SLC4A8: variants seen among roughly 807,000 people sequenced by gnomAD.
SLC4A8 encodes the protein electroneutral sodium bicarbonate exchanger 1.
Under a neutral mutation model 125.0 loss-of-function variants are expected in SLC4A8, and 40 were observed. The ratio of observed to expected loss-of-function variants is 0.32; its 90% CI spans 0.25 to 0.42. The LOEUF (loss-of-function observed/expected upper bound fraction) is 0.42. SLC4A8 is among the 10% of genes least tolerant of loss of function. The probability of loss-of-function intolerance (pLI) is 1.00; values close to 1 mark genes in which losing one functional copy is unlikely to be tolerated. For missense variants in SLC4A8, 863 were observed against 1,355.1 expected (o/e 0.64, Z 5.70); for synonymous variants, 456 against 476.0 (o/e 0.96, Z 0.55).
At chr12:51,480,657 C>G in intron 16 of SLC4A8, 1 of 983,998 alleles carries the variant, frequency 1.0e-6, no homozygotes, top group Non-Finnish European at 1.2e-6. Context: ...GCCCGTGTAA[C>G]TAATCAGAAA....
At chr12:51,495,221 G>A in intron 21 of SLC4A8, 103 bp downstream of exon 21, 9 of 945,230 alleles carry the variant, frequency 9.5e-6, no homozygotes, top group Non-Finnish European at 1.2e-5. Flanking sequence ...ACAGTTGAGT[G>A]GCATTAAGTA....
In SLC4A8 at chr12:51,424,885, G is replaced by C; in HGVS notation, c.-103G>C. ...GTTGATGGTTGACCGTTGGCTCCGGGGTGGGGGTCGCCGTTCGAGTGATCT... is the reference window on the plus strand; with the variant it reads ...GTTGATGGTTGACCGTTGGCTCCGGCGTGGGGGTCGCCGTTCGAGTGATCT... On this transcript the variant is annotated 5_prime_UTR_variant, in exon 1 of 25. Coordinates refer to ENST00000453097, the MANE Select transcript of SLC4A8 (RefSeq NM_001039960.3). 7.9e-7 allele frequency: 1 copy of C among 1,263,962 alleles called. No individual in the cohort carries two copies. Among genetic ancestry groups the C allele is most frequent in the South Asian group, 1.3e-5 (1 of 75,774 alleles). The allele number at this position is 1,263,962 out of a possible 1,614,324, so 78.3% of individuals were successfully genotyped here.
chr12:51,454,158 A>G (rs1373283351), intron 5 of SLC4A8, among the ~76,000 whole-genome samples: 3 of 152,134 alleles, frequency 2.0e-5, no homozygotes, highest in African/African-American at 7.2e-5. Context: ...TTAGCCAGGC[A>G]TGGTGGCTCA....
intron 1 of SLC4A8, among the ~76,000 whole-genome samples, chr12:51,399,316 G>A (rs1948325804): frequency 6.6e-6 from 1 of 152,172 alleles, no homozygotes; most frequent in Non-Finnish European, 1.5e-5. Flanking sequence ...GTATAGTGAA[G>A]AGGGAGTCTC....
At position 51,459,982 on chromosome 12, in the gene SLC4A8, C is replaced by G. The variant is rs1450307041; in HGVS notation, c.887C>G (p.Thr296Ser). 2.5e-6 allele frequency: 4 copies of G among 1,613,712 alleles called. No individual in the cohort carries two copies. The highest frequency in any genetic ancestry group is 3.4e-6 in the Non-Finnish European group (4 of 1,179,718). Reference protein sequence around the residue: ...VDLHFMKKIPTGAEASNVLVG... With the variant: ...VDLHFMKKIPSGAEASNVLVG... ...CTTCATTTCATGAAAAAAATTCCTA[C>G]TGGGGCCGAGGCCTCCAATGTCCTG... The change falls in exon 8 of 25, where the codon ACT becomes AGT. Residue 296 changes from threonine (T) to serine (S), a missense_variant. This residue lies in a region of SLC4A8 where 390 missense variants were observed against 634.4 expected (regional missense o/e 0.61). Transcript: ENST00000453097.
intron 2 of SLC4A8, 137 bp from the exon 3 acceptor site, chr12:51,450,739 G>A (rs1378753689): frequency 1.1e-6 from 1 of 903,802 alleles, no homozygotes; most frequent in Admixed American, 2.5e-5. Flanking sequence ...GGAAGTCTTT[G>A]AAGTTTTGTT....
intron 1 of SLC4A8, among the ~76,000 whole-genome samples, chr12:51,400,765 T>A (rs1948364315): frequency 1.3e-4 from 1 of 7,914 alleles, no homozygotes; most frequent in Non-Finnish European, 3.3e-4. Context: ...TATATATATA[T>A]ATATATATAT....
At position 51,451,666 on chromosome 12, in the gene SLC4A8, G is replaced by T. The variant is rs185797902; in HGVS notation, c.278-458G>T. Among the ~76,000 whole-genome samples, 346 of 151,964 alleles carry T rather than the reference G, an allele frequency of 2.3e-3. 2 individuals carry two copies. Among genetic ancestry groups the T allele is most frequent in the African/African-American group, 8.0e-3 (331 of 41,496 alleles). On this transcript the variant is annotated intron_variant, in intron 3 of 24. Transcript: ENST00000453097. ...GGTGTAAGAAAATTATGGAATAAGTGTGTGTGTGTGAGTATGAGTTTGTAC... is the reference window on the plus strand; with the variant it reads ...GGTGTAAGAAAATTATGGAATAAGTTTGTGTGTGTGAGTATGAGTTTGTAC...
chr12:51,504,572 C>G (rs1565826820), intron 23 of SLC4A8, among the ~76,000 whole-genome samples: 1 of 152,206 alleles, frequency 6.6e-6, no homozygotes, highest in Non-Finnish European at 1.5e-5. Flanking sequence ...ACCAGTGCTC[C>G]TTCTGCCTTT....
chr12:51,479,928 C>T, intron 16 of SLC4A8: 1 of 396,334 alleles, frequency 2.5e-6, no homozygotes, highest in South Asian at 1.9e-5. Flanking sequence ...TCTCACGAAA[C>T]AGAGGGCTGT....
intron 11 of SLC4A8, among the ~76,000 whole-genome samples, chr12:51,466,957 GTGTGTGTGTGTATGTGTGTA>G (rs1213154497): frequency 1.3e-5 from 2 of 151,994 alleles, no homozygotes; most frequent in Non-Finnish European, 1.5e-5. Flanking sequence ...GTGTGTGTGT[GTGTGTGTGTGTATGTGTGTA>G]TGTGTGTGTA....
Position 51,509,898 on chromosome 12 carries a change from AG to A in SLC4A8, c.*2462del, listed in dbSNP as rs888122177. ...GGGAAGATTGTGAGTGAAGATGGGA[AG>A]GAATTTGGGTGGTTTTGCCACGAGG... On this transcript the variant is annotated 3_prime_UTR_variant, in exon 25 of 25. Coordinates refer to ENST00000453097, the MANE Select transcript of SLC4A8 (RefSeq NM_001039960.3). 1 of 152,384 alleles carries A rather than the reference AG, an allele frequency of 6.6e-6. No individual in the cohort carries two copies. The highest frequency in any genetic ancestry group is 2.4e-5 in the African/African-American group (1 of 41,404). 9.4% of individuals were successfully genotyped at this position (152,384 alleles called of 1,614,324 possible).
At chr12:51,414,040 T>C (rs1948640858) in intron 1 of SLC4A8, among the ~76,000 whole-genome samples, 1 of 152,310 alleles carries the variant, frequency 6.6e-6, no homozygotes, top group Non-Finnish European at 1.5e-5. Flanking sequence ...ATATTAATTC[T>C]TCCCATCCAT....
chr12:51,410,096 G>T (rs1212624788), intron 1 of SLC4A8, among the ~76,000 whole-genome samples: 1 of 152,148 alleles, frequency 6.6e-6, no homozygotes, highest in African/African-American at 2.4e-5. Flanking sequence ...CTCTATGCCT[G>T]GTTTATTTCA....
chr12:51,451,607 A>C (rs987797459), intron 3 of SLC4A8, among the ~76,000 whole-genome samples: 2 of 152,112 alleles, frequency 1.3e-5, no homozygotes, highest in African/African-American at 4.8e-5. Flanking sequence ...ATTCACATAG[A>C]GTTAAATATA....
At chr12:51,506,516 T>TCC (rs940538925) in intron 24 of SLC4A8, among the ~76,000 whole-genome samples, 2 of 152,116 alleles carry the variant, frequency 1.3e-5, no homozygotes, top group African/African-American at 4.8e-5. Context: ...CTCACTGTAA[T>TCC]CTCTGCCATC....
Position 51,512,333 on chromosome 12 carries a change from A to G in SLC4A8, c.*4895A>G, listed in dbSNP as rs1057125163. 1 of 152,160 alleles carries G rather than the reference A, an allele frequency of 6.6e-6. No individual in the cohort carries two copies. The highest frequency in any genetic ancestry group is 1.5e-5 in the Non-Finnish European group (1 of 68,042). The allele number at this position is 152,160 out of a possible 1,614,324, so 9.4% of individuals were successfully genotyped here. A position where few individuals can be genotyped will look rare whatever the true frequency, so the allele number is the denominator to read the frequency against. ...GGATATGGAGACTGATGTGTGCTCC[A>G]TATCTTGAGGGGAGCTCTCTTGGTT... On this transcript the variant is annotated 3_prime_UTR_variant, in exon 25 of 25. Transcript: ENST00000453097.
intron 10 of SLC4A8, among the ~76,000 whole-genome samples, chr12:51,463,327 C>T (rs940489781): frequency 6.6e-6 from 1 of 151,836 alleles, no homozygotes; most frequent in Non-Finnish European, 1.5e-5. Context: ...TAGGTCATAT[C>T]TAATGCCAAA....
At chr12:51,488,223 G>C (rs1027737855) in intron 17 of SLC4A8, among the ~76,000 whole-genome samples, 2 of 152,194 alleles carry the variant, frequency 1.3e-5, no homozygotes, top group Non-Finnish European at 2.9e-5. Context: ...GAGAAGAAAA[G>C]TTTTTTATTT....
Sources: allele counts gnomAD v4.1 joint callset (sites outside exome capture counted in the v4.1 genomes callset), GRCh38; gene constraint gnomAD v4.1.1; regional missense constraint gnomAD v4.1.1; transcripts MANE v1.5; gene names NCBI Gene and HGNC (gene_info 2026-07-23, HGNC 2026-07-21).